The following ADAMTS2 variants were observed in gnomAD, a reference collection of about 807,000 sequenced individuals.
ADAMTS2 encodes the protein A disintegrin and metalloproteinase with thrombospondin motifs 2.
Under a neutral mutation model 123.0 loss-of-function variants are expected in ADAMTS2, and 50 were observed. The observed-to-expected ratio is 0.41, with a 90% CI of 0.32 to 0.51. The LOEUF (loss-of-function observed/expected upper bound fraction) is 0.51. Ranked by LOEUF, ADAMTS2 falls within the 20% of genes least tolerant of loss-of-function variation. The probability of loss-of-function intolerance (pLI) is 0.35; values close to 1 mark genes in which losing one functional copy is unlikely to be tolerated. For synonymous variants in ADAMTS2, 678 were observed against 695.4 expected (o/e 0.98, Z 0.39); for missense variants, 1,494 against 1,705.2 (o/e 0.88, Z 2.18).
At chr5:179,323,902 A>G (rs1757247557) in intron 2 of ADAMTS2, among the ~76,000 whole-genome samples, 1 of 152,214 alleles carries the variant, frequency 6.6e-6, no homozygotes, top group African/African-American at 2.4e-5. Flanking sequence ...CAATCCATCA[A>G]CCCATGAGTG....
Position 179,234,284 on chromosome 5 carries a change from G to A in ADAMTS2, c.689-26569C>T, listed in dbSNP as rs1174856534. On this transcript the variant is annotated intron_variant, in intron 3 of 21. Coordinates refer to ENST00000251582, the MANE Select transcript of ADAMTS2 (RefSeq NM_014244.5). This position sits in a 1 kb window ranked among gnomAD's most constrained non-coding sequence, Gnocchi z 4.7. ...CTGCCTGAATTCACCCAGGTGGGCA[G>A]TCCTCAGGTGACTTCTCCAGCTCTG... is the stretch of plus-strand genomic sequence containing the variant. Among the ~76,000 whole-genome samples, 1 of 152,134 alleles carries A rather than the reference G, an allele frequency of 6.6e-6. No homozygotes were observed. Among genetic ancestry groups the A allele is most frequent in the Non-Finnish European group, 1.5e-5 (1 of 68,008 alleles).
At chr5:179,231,374 G>T (rs546940014) in intron 3 of ADAMTS2, among the ~76,000 whole-genome samples, 3 of 152,314 alleles carry the variant, frequency 2.0e-5, no homozygotes, top group Non-Finnish European at 4.4e-5. Context: ...AATTCTCTGA[G>T]AGGTCTGAGC....
intron 3 of ADAMTS2, among the ~76,000 whole-genome samples, chr5:179,271,821 T>C (rs1766542807): frequency 6.6e-6 from 1 of 152,222 alleles, no homozygotes; most frequent in African/African-American, 2.4e-5. Context: ...CCAATTTTTC[T>C]GTCAAGCTAG....
At chr5:179,232,235 A>C (rs1561609238) in intron 3 of ADAMTS2, among the ~76,000 whole-genome samples, 1 of 152,194 alleles carries the variant, frequency 6.6e-6, no homozygotes, top group East Asian at 1.9e-4. Flanking sequence ...ACATTGCACC[A>C]ATGTTTTATC....
intron 5 of ADAMTS2, among the ~76,000 whole-genome samples, chr5:179,177,563 T>G (rs1227205872): frequency 6.6e-6 from 1 of 152,224 alleles, no homozygotes; most frequent in East Asian, 1.9e-4. Flanking sequence ...TCCATGGTTA[T>G]GGGACTTATG....
Position 179,345,262 on chromosome 5 carries a change from GCA to G in ADAMTS2, c.65_66del (p.Leu22ProfsTer43). ...GGCGGCGGCAGGAGCGGCGGCGGCA[GCA>G]GCAGCAGCAGCAGCAGCAGCGCGGG... The part of the protein sequence containing the change: ...LCPALLLLLL[L>X]LPPPLLPPPP... On this transcript the variant is annotated frameshift_variant, in exon 1 of 22. Coordinates refer to ENST00000251582, the MANE Select transcript of ADAMTS2 (RefSeq NM_014244.5). LOFTEE classifies it high-confidence loss of function. The surrounding 1 kb of genome is among the most constrained non-coding windows in gnomAD (Gnocchi z 7.5). 2 of 1,145,376 alleles carry G rather than the reference GCA, an allele frequency of 1.7e-6. No individual in the cohort carries two copies. Among genetic ancestry groups the G allele is most frequent in the Non-Finnish European group, 1.1e-6 (1 of 935,898 alleles). 71.0% of individuals were successfully genotyped at this position (1,145,376 alleles called of 1,614,324 possible). A position where few individuals can be genotyped will look rare whatever the true frequency, so the allele number is the denominator to read the frequency against.
chr5:179,129,786 C>T lies in ADAMTS2; in HGVS notation c.2457+146G>A, dbSNP rs917101443. On this transcript the variant is annotated intron_variant, in intron 16 of 21. Transcript: ENST00000251582. The surrounding 1 kb of genome is among the most constrained non-coding windows in gnomAD (Gnocchi z 4.1). ...TGTCCCTTCCTGGCTCTGACCAAGT[C>T]GGAGCCCCTTGGTGCCAAAGGCAGG... 1.2e-5 allele frequency: 13 copies of T among 1,078,752 alleles called. No individual in the cohort carries two copies. The highest frequency in any genetic ancestry group is 4.7e-5 in the African/African-American group (3 of 63,960). 66.8% of individuals were successfully genotyped at this position (1,078,752 alleles called of 1,614,324 possible). A position where few individuals can be genotyped will look rare whatever the true frequency, so the allele number is the denominator to read the frequency against.
chr5:179,146,695 G>A (rs1435787624), intron 10 of ADAMTS2, among the ~76,000 whole-genome samples: 2 of 152,092 alleles, frequency 1.3e-5, no homozygotes, highest in African/African-American at 4.8e-5. Flanking sequence ...CTTTTGGTTT[G>A]ATATAAAACC....
intron 2 of ADAMTS2, among the ~76,000 whole-genome samples, chr5:179,335,721 T>C (rs1281293724): frequency 6.6e-6 from 1 of 152,166 alleles, no homozygotes. Context: ...TCTGTCCCAA[T>C]CAGAATGGCC....
At position 179,254,358 on chromosome 5, in the gene ADAMTS2, T is replaced by C. The variant is rs1765995408; in HGVS notation, c.688+18553A>G. Among the ~76,000 whole-genome samples the C allele has an allele frequency of 2.6e-5, 4 of 151,654 alleles. No individual in the cohort carries two copies. In the South Asian group the frequency reaches 8.3e-4, roughly 32 times the overall value. ...TAGGCAAATCCAAAGACACAGGGAGTAGATTAGTGGTCACTATGAGCTGGG... is the reference window on the plus strand; with the variant it reads ...TAGGCAAATCCAAAGACACAGGGAGCAGATTAGTGGTCACTATGAGCTGGG... On this transcript the variant is annotated intron_variant, in intron 3 of 21. Transcript: ENST00000251582.
rs574807894 is a variant in ADAMTS2, at chr5:179,155,285, A to T, written c.1133-366T>A. Among the ~76,000 whole-genome samples, 2 of 152,004 alleles carry T rather than the reference A, an allele frequency of 1.3e-5. No homozygotes were observed. The highest frequency in any genetic ancestry group is 2.4e-5 in the African/African-American group (1 of 41,374). ...CCTGCCTCTGCCCCCTGCCTGCCTC[A>T]CTGAGTGGCCCCTGAGCAGCACCTG... On this transcript the variant is annotated intron_variant, in intron 6 of 21. Coordinates refer to ENST00000251582, the MANE Select transcript of ADAMTS2 (RefSeq NM_014244.5). This position sits in a 1 kb window ranked among gnomAD's most constrained non-coding sequence, Gnocchi z 5.1.
At chr5:179,209,549 T>C (rs72818637) in intron 3 of ADAMTS2, among the ~76,000 whole-genome samples, 21,097 of 126,470 alleles carry the variant, frequency 0.17, 1,662 homozygotes, top group Non-Finnish European at 0.21. Context: ...CACACACATG[T>C]ACACACACAC....
Position 179,118,399 on chromosome 5 carries a change from G to A in ADAMTS2, c.3178+3262C>T, listed in dbSNP as rs1406612822. Among the ~76,000 whole-genome samples the A allele has an allele frequency of 6.6e-6, 1 of 151,902 alleles. No individual in the cohort carries two copies. The highest frequency in any genetic ancestry group is 1.5e-5 in the Non-Finnish European group (1 of 68,000). The stretch of plus-strand genomic sequence containing the variant: ...TGTGGTTTTACAATATTTGGTCTTC[G>A]GCCATTTCCAGTAGCAATCAAGTAG... On this transcript the variant is annotated intron_variant, in intron 21 of 21. Transcript: ENST00000251582. This position sits in a 1 kb window ranked among gnomAD's most constrained non-coding sequence, Gnocchi z 4.5.
intron 2 of ADAMTS2, among the ~76,000 whole-genome samples, chr5:179,300,860 C>A (rs1033445158): frequency 1.3e-5 from 2 of 152,200 alleles, no homozygotes; most frequent in African/African-American, 4.8e-5. Context: ...ACAGATAAAC[C>A]GTTATGGCTC....
chr5:179,297,838 T>C (rs1195247729), intron 2 of ADAMTS2, among the ~76,000 whole-genome samples: 1 of 152,038 alleles, frequency 6.6e-6, no homozygotes, highest in Non-Finnish European at 1.5e-5. Flanking sequence ...TAAAGTCCTC[T>C]CTCAGCCCAA....
intron 4 of ADAMTS2, among the ~76,000 whole-genome samples, chr5:179,182,783 GC>G (rs1297285864): frequency 1.3e-5 from 2 of 152,174 alleles, no homozygotes; most frequent in Non-Finnish European, 2.9e-5. Context: ...CGGGAGCGTG[GC>G]TGGTCACCGT....
At chr5:179,194,166 C>CAGAGGAG (rs61445859) in intron 4 of ADAMTS2, among the ~76,000 whole-genome samples, 2,438 of 152,122 alleles carry the variant, frequency 0.016, 78 homozygotes, top group African/African-American at 0.055. Flanking sequence ...AGGAGGTCTG[C>CAGAGGAG]GGAGGAGGGA....
chr5:179,152,838 G>A (rs1278021589), intron 9 of ADAMTS2, among the ~76,000 whole-genome samples: 1 of 152,152 alleles, frequency 6.6e-6, no homozygotes, highest in Non-Finnish European at 1.5e-5. Flanking sequence ...GAAGGAGGTG[G>A]CCCTCCTGCG....
intron 2 of ADAMTS2, among the ~76,000 whole-genome samples, chr5:179,322,411 G>A (rs1451596657): frequency 1.3e-5 from 2 of 152,210 alleles, no homozygotes; most frequent in Admixed American, 6.5e-5. Flanking sequence ...ACAGGAGGGA[G>A]TGCAGGGTCC....
Sources: allele counts gnomAD v4.1 joint callset (sites outside exome capture counted in the v4.1 genomes callset), GRCh38; gene constraint gnomAD v4.1.1; non-coding constraint Gnocchi (gnomAD v3.1); transcripts MANE v1.5; gene names NCBI Gene and HGNC (gene_info 2026-07-23, HGNC 2026-07-21).